Variants in NOX4 observed in about 807,000 individuals in gnomAD.
NOX4 encodes the protein kidney oxidase-1.
Under a neutral mutation model 87.6 loss-of-function variants are expected in NOX4, and 69 were observed. That is an observed-to-expected ratio of 0.79 (90% CI 0.65 to 0.96). The LOEUF is 0.96. NOX4 is among the 40% of genes least tolerant of loss of function. The pLI is 0.00. For missense variants in NOX4, 680 were observed against 681.5 expected, an observed-to-expected ratio of 1.00 and a Z score of 0.02; for synonymous variants, 275 against 238.2, an observed-to-expected ratio of 1.15 and a Z score of -1.42.
chr11:89,524,538 G>A, the NOX4 span, among the ~76,000 whole-genome samples: 1 of 151,978 alleles, frequency 6.6e-6, no homozygotes, highest in Non-Finnish European at 1.5e-5. Context: ...ATACTCCTAT[G>A]TAAGATTTGA....
intron 7 of NOX4, among the ~76,000 whole-genome samples, chr11:89,428,933 A>C (rs993748398): frequency 2.6e-5 from 4 of 152,220 alleles, no homozygotes; most frequent in African/African-American, 9.7e-5. Context: ...ACCACATCGC[A>C]CTTATTCCAA....
chr11:89,360,117 C>T (rs980424275), intron 12 of NOX4, among the ~76,000 whole-genome samples: 3 of 151,774 alleles, frequency 2.0e-5, no homozygotes, highest in Non-Finnish European at 4.4e-5. Context: ...ACTTCATACC[C>T]CAAAAAGGGT....
At chr11:89,506,659 G>A in the NOX4 span, among the ~76,000 whole-genome samples, 1 of 151,682 alleles carries the variant, frequency 6.6e-6, no homozygotes, top group Non-Finnish European at 1.5e-5. Flanking sequence ...CCACAGACAT[G>A]AATAAAATAT....
intron 12 of NOX4, among the ~76,000 whole-genome samples, chr11:89,372,169 C>A (rs1028317638): frequency 6.6e-6 from 1 of 151,614 alleles, no homozygotes; most frequent in African/African-American, 2.4e-5. Context: ...CTTCCAATTT[C>A]CATCCCCACC....
chr11:89,442,775 A>T (rs1156651344), intron 5 of NOX4, among the ~76,000 whole-genome samples: 1 of 152,174 alleles, frequency 6.6e-6, no homozygotes, highest in Admixed American at 6.6e-5. Flanking sequence ...AAAATTTTGA[A>T]ATCACTAAAA....
At chr11:89,544,858 C>T in the NOX4 span, among the ~76,000 whole-genome samples, 1 of 151,990 alleles carries the variant, frequency 6.6e-6, no homozygotes, top group Non-Finnish European at 1.5e-5. Context: ...TATTTTATAA[C>T]ACCCTAAAAT....
intron 17 of NOX4, among the ~76,000 whole-genome samples, chr11:89,329,493 A>G (rs955376100): frequency 4.6e-5 from 7 of 151,478 alleles, no homozygotes; most frequent in African/African-American, 1.5e-4. Context: ...AAAAAAAATA[A>G]AAGATCTCAT....
chr11:89,553,607 T>TAGAG, the NOX4 span, among the ~76,000 whole-genome samples: 2 of 151,864 alleles, frequency 1.3e-5, no homozygotes, highest in Non-Finnish European at 2.9e-5. Context: ...ATAAAAGTAG[T>TAGAG]AGAGAGACAA....
rs192216609 is a variant in NOX4 at position 89,371,398 on chromosome 11, T to C, written c.1135+2034A>G. 7.9e-5 allele frequency among the ~76,000 whole-genome samples: 12 copies of C among 152,070 alleles called. No homozygotes were observed. The East Asian group carries it at 2.3e-3, about 29-fold the overall frequency. On this transcript the variant is annotated intron_variant, in intron 12 of 17. Transcript: ENST00000263317. ...AAAAGGGAGAATAAAATTAACACTA[T>C]TAAGTGTTCCTAATAGAGATGATTA... is the stretch of plus-strand genomic sequence containing the variant.
At chr11:89,496,861 G>T (rs982241377), upstream of NOX4, among the ~76,000 whole-genome samples, 1 of 152,030 alleles carries the variant, frequency 6.6e-6, no homozygotes, top group Non-Finnish European at 1.5e-5. Flanking sequence ...AAATCTATAA[G>T]GTAGGAAGGT....
chr11:89,429,073 C>A (rs1173157534), intron 7 of NOX4, among the ~76,000 whole-genome samples: 1 of 152,208 alleles, frequency 6.6e-6, no homozygotes, highest in Non-Finnish European at 1.5e-5. Context: ...AACCGCTCAA[C>A]TGCATGGAAA....
At chr11:89,581,586 C>A in the NOX4 span, among the ~76,000 whole-genome samples, 2 of 152,078 alleles carry the variant, frequency 1.3e-5, no homozygotes, top group Non-Finnish European at 2.9e-5. Flanking sequence ...TGATTGGACT[C>A]CACGTCAGAC....
the NOX4 span, among the ~76,000 whole-genome samples, chr11:89,518,769 T>C: frequency 6.6e-6 from 1 of 152,092 alleles, no homozygotes; most frequent in East Asian, 1.9e-4. Flanking sequence ...ATGAACCATG[T>C]GACGTGGAGT....
chr11:89,366,058 C>T (rs1433057961), intron 12 of NOX4, among the ~76,000 whole-genome samples: 1 of 152,080 alleles, frequency 6.6e-6, no homozygotes, highest in Non-Finnish European at 1.5e-5. Flanking sequence ...TGTCCTTTTG[C>T]TTCCTTTGAA....
chr11:89,541,613 G>T, the NOX4 span, among the ~76,000 whole-genome samples: 2 of 151,798 alleles, frequency 1.3e-5, no homozygotes, highest in African/African-American at 4.8e-5. Flanking sequence ...TTAGTTATAA[G>T]TGATATACTC....
At chr11:89,413,898 T>A (rs773436569) in intron 8 of NOX4, among the ~76,000 whole-genome samples, 1 of 152,104 alleles carries the variant, frequency 6.6e-6, no homozygotes, top group Non-Finnish European at 1.5e-5. Flanking sequence ...TAAACATATA[T>A]GCCTACTATG....
intron 2 of NOX4, among the ~76,000 whole-genome samples, chr11:89,458,884 A>T (rs1375065942): frequency 6.6e-6 from 1 of 152,202 alleles, no homozygotes; most frequent in Non-Finnish European, 1.5e-5. Context: ...GCCCCTGTGG[A>T]AAATAGTTTT....
At chr11:89,408,955 A>T (rs1942328261) in intron 8 of NOX4, among the ~76,000 whole-genome samples, 1 of 152,172 alleles carries the variant, frequency 6.6e-6, no homozygotes, top group South Asian at 2.1e-4. Context: ...TTAAGGGCTT[A>T]GGATCAACAT....
At chr11:89,335,182 A>G (rs1018687055) in intron 17 of NOX4, among the ~76,000 whole-genome samples, 1 of 151,802 alleles carries the variant, frequency 6.6e-6, no homozygotes, top group Non-Finnish European at 1.5e-5. Flanking sequence ...TCTTCTTAGA[A>G]TTCTTATAGA....
Sources: gnomAD v4.1 joint callset for allele counts (sites outside exome capture counted in the v4.1 genomes callset) on GRCh38, gnomAD v4.1.1 for gene constraint, MANE v1.5 for transcripts, NCBI Gene and HGNC (gene_info 2026-07-23, HGNC 2026-07-21) for gene names.